Variants in KCNH5 observed in about 807,000 individuals in gnomAD.
KCNH5 encodes the protein potassium voltage-gated channel subfamily H member 5.
Under a neutral mutation model 96.1 loss-of-function variants are expected in KCNH5, and 46 were observed. That is an observed-to-expected ratio of 0.48 (90% confidence interval 0.38 to 0.61). The LOEUF is 0.61. Among genes scored for constraint, KCNH5 ranks in the 20% least tolerant of loss-of-function variants. The probability of loss-of-function intolerance (pLI) is 0.00; values close to 1 mark genes in which losing one functional copy is unlikely to be tolerated. For synonymous variants in KCNH5, 439 were observed against 449.8 expected (o/e 0.98, Z 0.30); for missense variants, 907 against 1,225.8 (o/e 0.74, Z 3.88).
intron 7 of KCNH5, among the ~76,000 whole-genome samples, chr14:62,915,918 G>A (rs967440888): frequency 2.0e-5 from 3 of 151,726 alleles, no homozygotes; most frequent in Non-Finnish European, 4.4e-5. Flanking sequence ...ATAGTAAGTG[G>A]CTTAGCCAGG....
At chr14:62,719,536 C>T (rs1884760289) in intron 10 of KCNH5, among the ~76,000 whole-genome samples, 1 of 152,214 alleles carries the variant, frequency 6.6e-6, no homozygotes, top group African/African-American at 2.4e-5. Context: ...GATTCACAAC[C>T]ACTCCAGCGC....
rs141490439 is a variant in KCNH5 at position 62,790,178 on chromosome 14, C to T, written c.1823-10254G>A. On this transcript the variant is annotated intron_variant, in intron 9 of 10. Coordinates refer to ENST00000322893, the MANE Select transcript of KCNH5 (RefSeq NM_139318.5). ...AAAAACTATTAATTTCCCATTGTGG[C>T]CTTTGGCACCCTTGTTGAAAATTAG... Among the ~76,000 whole-genome samples, 54 of 151,756 alleles carry T rather than the reference C, an allele frequency of 3.6e-4. No homozygotes were observed. The East Asian group carries it at 0.01, about 28-fold the overall frequency.
chr14:62,907,827 TG>T (rs1161051016), intron 7 of KCNH5, among the ~76,000 whole-genome samples: 2 of 152,224 alleles, frequency 1.3e-5, no homozygotes, highest in African/African-American at 2.4e-5. Flanking sequence ...CAACTTGCTC[TG>T]GCCCCTGCCC....
In KCNH5 at chr14:63,002,964, C is replaced by T. The variant is rs113690485; in HGVS notation, c.305-1505G>A. The stretch of plus-strand genomic sequence containing the variant: ...TGATGTGCACGGTTTTACAAATCAC[C>T]AGACCCAGACGTTAGTGGATACATG... On this transcript the variant is annotated intron_variant, in intron 3 of 10. Coordinates refer to ENST00000322893, the MANE Select transcript of KCNH5 (RefSeq NM_139318.5). Among the ~76,000 whole-genome samples the T allele has an allele frequency of 2.0e-3, 300 of 152,244 alleles. 3 individuals are homozygous for T. Among genetic ancestry groups the T allele is most frequent in the African/African-American group, 7.1e-3 (294 of 41,552 alleles).
chr14:62,808,227 A>G (rs2140005098), intron 8 of KCNH5, among the ~76,000 whole-genome samples: 1 of 152,248 alleles, frequency 6.6e-6, no homozygotes, highest in Non-Finnish European at 1.5e-5. Context: ...GGGAATGTGG[A>G]TTTTTTTGTG....
chr14:62,978,977 T>A (rs1056454311), intron 6 of KCNH5, among the ~76,000 whole-genome samples: 9 of 152,346 alleles, frequency 5.9e-5, no homozygotes, highest in Admixed American at 2.0e-4. Flanking sequence ...TTAACTATAG[T>A]CACCATATTG....
At chr14:62,978,518 C>T (rs1434292591) in intron 6 of KCNH5, among the ~76,000 whole-genome samples, 13 of 149,044 alleles carry the variant, frequency 8.7e-5, no homozygotes, top group Non-Finnish European at 1.5e-5. Flanking sequence ...ACCCGGGAGG[C>T]GGAGCTTGCA....
At chr14:62,836,959 A>G (rs1887477616) in intron 8 of KCNH5, among the ~76,000 whole-genome samples, 1 of 152,194 alleles carries the variant, frequency 6.6e-6, no homozygotes, top group African/African-American at 2.4e-5. Context: ...TATTAGGTGT[A>G]TAATCTTGGA....
chr14:62,886,147 C>G (rs1176635713), intron 7 of KCNH5, among the ~76,000 whole-genome samples: 2 of 148,582 alleles, frequency 1.3e-5, no homozygotes, highest in Admixed American at 1.3e-4. Context: ...CACACACACA[C>G]ACACACACAC....
At chr14:63,020,711 G>C (rs1017505540) in intron 1 of KCNH5, among the ~76,000 whole-genome samples, 1 of 152,128 alleles carries the variant, frequency 6.6e-6, no homozygotes, top group African/African-American at 2.4e-5. Flanking sequence ...CTTGATAGAG[G>C]TATACGTTAC....
chr14:63,015,724 G>A (rs1891315102), intron 2 of KCNH5, among the ~76,000 whole-genome samples: 1 of 151,876 alleles, frequency 6.6e-6, no homozygotes, highest in South Asian at 2.1e-4. Context: ...ATAACGCCCT[G>A]TGGAACCCAC....
chr14:62,929,316 T>G lies in KCNH5; in HGVS notation c.1369+20817A>C, dbSNP rs1314814556. 2.0e-5 allele frequency among the ~76,000 whole-genome samples: 3 copies of G among 152,082 alleles called. No homozygotes were observed. In the East Asian group the frequency reaches 5.8e-4, roughly 29 times the overall value. On this transcript the variant is annotated intron_variant, in intron 7 of 10. Coordinates refer to ENST00000322893, the MANE Select transcript of KCNH5 (RefSeq NM_139318.5). ...GTTACTATCTTGGCCCAAACCAACA[T>G]CGTCTTTCACTAAAATGATTGCAAT...
chr14:62,910,709 A>G (rs1485792198), intron 7 of KCNH5, among the ~76,000 whole-genome samples: 1 of 152,150 alleles, frequency 6.6e-6, no homozygotes, highest in Non-Finnish European at 1.5e-5. Context: ...TCACGACTCT[A>G]ACCATGCTGG....
intron 8 of KCNH5, among the ~76,000 whole-genome samples, chr14:62,842,116 G>T (rs777976101): frequency 2.5e-4 from 38 of 152,296 alleles, no homozygotes; most frequent in East Asian, 1.2e-3. Flanking sequence ...TTTGACACAT[G>T]AAAAGTTTAC....
intron 1 of KCNH5, among the ~76,000 whole-genome samples, chr14:63,035,667 T>C (rs545661734): frequency 3.9e-5 from 6 of 152,214 alleles, no homozygotes; most frequent in Admixed American, 1.3e-4. Context: ...GTGTGTTGTT[T>C]GTTTGGGTTT....
At chr14:62,854,029 A>G (rs1021674718) in intron 7 of KCNH5, among the ~76,000 whole-genome samples, 4 of 148,918 alleles carry the variant, frequency 2.7e-5, no homozygotes, top group East Asian at 4.0e-4. Flanking sequence ...CAAAAAAAAC[A>G]AAAAAAACAA....
At chr14:62,956,308 T>C (rs1336221638) in intron 6 of KCNH5, among the ~76,000 whole-genome samples, 1 of 152,168 alleles carries the variant, frequency 6.6e-6, no homozygotes, top group Non-Finnish European at 1.5e-5. Context: ...CAGATGGAAC[T>C]ACTCCATGGG....
intron 6 of KCNH5, among the ~76,000 whole-genome samples, chr14:62,951,526 C>G (rs963407619): frequency 1.1e-4 from 16 of 152,164 alleles, no homozygotes; most frequent in African/African-American, 3.9e-4. Context: ...CTAACCCTGT[C>G]TCCCAGAATG....
At chr14:62,874,478 G>A (rs1888327590) in intron 7 of KCNH5, among the ~76,000 whole-genome samples, 1 of 152,120 alleles carries the variant, frequency 6.6e-6, no homozygotes, top group Admixed American at 6.5e-5. Context: ...CAGCACATCA[G>A]AAAGCTTATC....
Sources: allele counts gnomAD v4.1 joint callset (sites outside exome capture counted in the v4.1 genomes callset), GRCh38; gene constraint gnomAD v4.1.1; transcripts MANE v1.5; gene names NCBI Gene and HGNC (gene_info 2026-07-23, HGNC 2026-07-21).